Variants in GET1 observed in about 807,000 individuals in gnomAD.
GET1 encodes the protein guided entry of tail-anchored proteins factor 1, also known as congenital heart disease 5 protein.
A neutral mutation model predicts 22.6 loss-of-function variants in GET1; 20 were observed. The observed-to-expected ratio is 0.89, with a 90% CI of 0.62 to 1.29. The LOEUF (loss-of-function observed/expected upper bound fraction) is 1.29. Ranked by LOEUF, GET1 falls within the 50% of genes most tolerant of loss-of-function variation. The probability of loss-of-function intolerance (pLI) is 0.00; values close to 1 mark genes in which losing one functional copy is unlikely to be tolerated. For missense variants in GET1, 209 were observed against 219.9 expected (o/e 0.95, Z 0.31); for synonymous variants, 92 against 83.8 (o/e 1.10, Z -0.53).
chr21:39,400,239 T>G (rs537955685), downstream of GET1, among the ~76,000 whole-genome samples: 18 of 152,328 alleles, frequency 1.2e-4, no homozygotes, highest in South Asian at 2.9e-3. Flanking sequence ...GCTTTCTCCC[T>G]TATGGTGGTG....
In GET1 at chr21:39,423,082, G is replaced by A. The variant is rs768851533; in HGVS notation, c.*24-5150G>A. On this transcript the variant is annotated intron_variant, in intron 1 of 1. Transcript: ENST00000478273. ...TTTGTCTTCAGAAAGTTTCTGCAGT[G>A]CCTGCAAGATATCTTTAGTCTTCAG... is the stretch of plus-strand genomic sequence containing the variant. The A allele has an allele frequency of 2.5e-6, 4 of 1,613,998 alleles. No individual in the cohort carries two copies. The South Asian group carries it at 3.3e-5, about 13-fold the overall frequency.
chr21:39,405,118 C>T (rs1016172823), intron 4 of GET1, among the ~76,000 whole-genome samples: 2 of 152,030 alleles, frequency 1.3e-5, no homozygotes, highest in African/African-American at 4.8e-5. Context: ...CTGGCGTGAG[C>T]CATGGCACCC....
chr21:39,406,443 T>C (rs370737183), exon 5 of GET1: 2 of 1,614,006 alleles, frequency 1.2e-6, no homozygotes, highest in Non-Finnish European at 1.7e-6. Flanking sequence ...GAACATCTTC[T>C]TGATTGCTTT....
In GET1 at chr21:39,415,288, GC is replaced by G. The variant is rs1169461339; in HGVS notation, c.*23+4353del. 3.3e-5 allele frequency among the ~76,000 whole-genome samples: 5 copies of G among 152,248 alleles called. No homozygotes were observed. The East Asian group carries it at 7.7e-4, about 23-fold the overall frequency. On this transcript the variant is annotated intron_variant, in intron 1 of 1. Transcript: ENST00000478273. ...GTGTTGAGGCCACCTTCTTGATCTA[GC>G]CATTTCTACTCTTTTAAAAATGCAT...
chr21:39,400,025 A>G (rs1316584218), downstream of GET1, among the ~76,000 whole-genome samples: 1 of 151,756 alleles, frequency 6.6e-6, no homozygotes, highest in Admixed American at 6.6e-5. Context: ...CCCAGCCCAT[A>G]ATCAATTTTT....
At chr21:39,380,906 A>G in intron 1 of GET1, 1 of 165,002 alleles carries the variant, frequency 6.1e-6, no homozygotes, top group Non-Finnish European at 1.1e-5. Flanking sequence ...CGCGTCCAGG[A>G]GCCCACATTC....
At chr21:39,399,645 T>C (rs967687196), downstream of GET1, among the ~76,000 whole-genome samples, 11 of 152,108 alleles carry the variant, frequency 7.2e-5, no homozygotes, top group African/African-American at 2.2e-4. Flanking sequence ...TTCACTATGT[T>C]GGCCGGGCTG....
intron 4 of GET1, among the ~76,000 whole-genome samples, chr21:39,404,075 C>T (rs945895638): frequency 1.3e-5 from 2 of 152,206 alleles, no homozygotes; most frequent in African/African-American, 4.8e-5. Context: ...GTTAATATTA[C>T]ACACCAACAC....
chr21:39,427,384 C>T (rs887522631), intron 1 of GET1, among the ~76,000 whole-genome samples: 3 of 152,116 alleles, frequency 2.0e-5, no homozygotes, highest in Admixed American at 6.6e-5. Context: ...TACAAAGAGC[C>T]GGGCGCGGTG....
downstream of GET1, chr21:39,406,707 C>T (rs2039123285): frequency 1.1e-6 from 1 of 906,412 alleles, no homozygotes; most frequent in Non-Finnish European, 1.7e-6. Context: ...CACCGCCTCA[C>T]AAGCACACTG....
chr21:39,392,596 C>A (rs1260727238), intron 3 of GET1, among the ~76,000 whole-genome samples: 4 of 152,170 alleles, frequency 2.6e-5, no homozygotes, highest in Non-Finnish European at 5.9e-5. Flanking sequence ...AGGAAGGGGA[C>A]AGATGACAAT....
chr21:39,396,262 C>A (rs748724321), intron 4 of GET1, among the ~76,000 whole-genome samples: 1 of 151,878 alleles, frequency 6.6e-6, no homozygotes, highest in Non-Finnish European at 1.5e-5. Flanking sequence ...GGGTGTCGGC[C>A]GGGTGCGGTG....
At chr21:39,394,937 A>G (rs150760793) in intron 4 of GET1, among the ~76,000 whole-genome samples, 2,634 of 151,758 alleles carry the variant, frequency 0.017, 42 homozygotes, top group Non-Finnish European at 0.027. Context: ...TGGCACCCTC[A>G]TAGCTCACTA....
At chr21:39,398,924 G>C (rs1175402974), downstream of GET1, among the ~76,000 whole-genome samples, 1 of 149,638 alleles carries the variant, frequency 6.7e-6, no homozygotes, top group Non-Finnish European at 1.5e-5. Flanking sequence ...ATTTTTAGTA[G>C]AGACAGGATT....
At chr21:39,426,200 T>A (rs1835993450) in intron 1 of GET1, among the ~76,000 whole-genome samples, 1 of 152,098 alleles carries the variant, frequency 6.6e-6, no homozygotes, top group African/African-American at 2.4e-5. Flanking sequence ...GCCAGGTTTG[T>A]TGGCTTCAGA....
At chr21:39,387,398 C>T (rs2037975497) in intron 1 of GET1, among the ~76,000 whole-genome samples, 1 of 152,180 alleles carries the variant, frequency 6.6e-6, no homozygotes, top group Middle Eastern at 3.4e-3. Context: ...TTGTATAAGG[C>T]GAAATTATCA....
chr21:39,409,962 TA>T, downstream of GET1: 1 of 1,321,194 alleles, frequency 7.6e-7, no homozygotes, highest in Non-Finnish European at 1.1e-6. The surrounding 1 kb of genome is among the most constrained non-coding windows in gnomAD (Gnocchi z 4.2). Context: ...AGATAGACTT[TA>T]AAGAGTTAAA....
At chr21:39,390,042 GTTTT>G (rs553712185) in intron 1 of GET1, among the ~76,000 whole-genome samples, 2 of 130,898 alleles carry the variant, frequency 1.5e-5, no homozygotes, top group African/African-American at 2.9e-5. Context: ...TTGAATATGA[GTTTT>G]TTTTTTTTTT....
exon 5 of GET1, chr21:39,406,274 CT>C (rs766423313): frequency 2.5e-6 from 4 of 1,614,110 alleles, no homozygotes; most frequent in African/African-American, 1.3e-5. Flanking sequence ...GCTGGCCCCC[CT>C]GAAGCAGGAA....
Sources: gnomAD v4.1 joint callset for allele counts (sites outside exome capture counted in the v4.1 genomes callset) on GRCh38, gnomAD v4.1.1 for gene constraint, Gnocchi (gnomAD v3.1) non-coding constraint, MANE v1.5 for transcripts, NCBI Gene and HGNC (gene_info 2026-07-23, HGNC 2026-07-21) for gene names.